Variants in SHISA9 observed in about 807,000 individuals in gnomAD.
SHISA9 encodes the protein protein shisa-9.
Under a neutral mutation model 38.0 loss-of-function variants are expected in SHISA9, and 13 were observed. The observed-to-expected ratio is 0.34, with a 90% CI of 0.22 to 0.54. The LOEUF is 0.54. Ranked by LOEUF, SHISA9 falls within the 20% of genes least tolerant of loss-of-function variation. The pLI, the probability that SHISA9 is intolerant of heterozygous loss-of-function variation, is 0.91. For missense variants in SHISA9, 538 were observed against 575.8 expected, an observed-to-expected ratio of 0.93 and a Z score of 0.67; for synonymous variants, 275 against 242.0, an observed-to-expected ratio of 1.14 and a Z score of -1.27.
At chr16:13,467,157 G>A in the SHISA9 span, among the ~76,000 whole-genome samples, 1 of 152,264 alleles carries the variant, frequency 6.6e-6, no homozygotes, top group Admixed American at 6.5e-5. Context: ...GTTTCTGGGT[G>A]TGTCTGTGAG....
At chr16:13,240,727 G>T (rs140744642), downstream of SHISA9, among the ~76,000 whole-genome samples, 51 of 152,222 alleles carry the variant, frequency 3.4e-4, no homozygotes, top group East Asian at 5.4e-3. Context: ...ATCTTGCTGC[G>T]ATTTGAACTT....
chr16:13,016,367 C>T (rs2072757696), intron 2 of SHISA9, among the ~76,000 whole-genome samples: 1 of 152,110 alleles, frequency 6.6e-6, no homozygotes, highest in Non-Finnish European at 1.5e-5. Flanking sequence ...TCTTTTTGCA[C>T]ACTGTGGATT....
chr16:13,072,660 A>G (rs933780574), intron 2 of SHISA9, among the ~76,000 whole-genome samples: 8 of 152,000 alleles, frequency 5.3e-5, no homozygotes, highest in Non-Finnish European at 1.0e-4. Context: ...TTAAAAAAGT[A>G]AAATCTTTTT....
the SHISA9 span, among the ~76,000 whole-genome samples, chr16:13,296,443 C>G: frequency 6.6e-6 from 1 of 151,786 alleles, no homozygotes; most frequent in African/African-American, 2.4e-5. Context: ...AAAAACAGAT[C>G]CCTTCCTCAC....
the SHISA9 span, among the ~76,000 whole-genome samples, chr16:13,390,651 C>T: frequency 3.9e-5 from 6 of 152,140 alleles, no homozygotes; most frequent in African/African-American, 1.4e-4. Context: ...TGTCAACATG[C>T]TTAGAAGGGT....
chr16:13,232,397 C>T lies in SHISA9; in HGVS notation c.896-2633C>T, dbSNP rs375890725. ...CATGGCACATGTATACCTATGTAAC[C>T]TGCACGTTCTGCACATGTATCCCAG... On this transcript the variant is annotated intron_variant, in intron 4 of 4. Transcript: ENST00000558583. Among the ~76,000 whole-genome samples the T allele has an allele frequency of 3.4e-3, 520 of 152,108 alleles. 4 individuals carry two copies. Among genetic ancestry groups the T allele is most frequent in the African/African-American group, 0.012 (496 of 41,492 alleles).
intron 2 of SHISA9, among the ~76,000 whole-genome samples, chr16:12,985,134 T>C (rs2072290090): frequency 1.3e-5 from 2 of 152,068 alleles, no homozygotes; most frequent in South Asian, 4.1e-4. Context: ...CTGGGCCCCG[T>C]TTCCATCAAA....
the SHISA9 span, among the ~76,000 whole-genome samples, chr16:13,283,359 T>C: frequency 1.3e-5 from 2 of 152,136 alleles, no homozygotes; most frequent in Non-Finnish European, 2.9e-5. Flanking sequence ...TACTCTAGTG[T>C]ATTAATCTGT....
the SHISA9 span, among the ~76,000 whole-genome samples, chr16:13,430,402 T>C: frequency 6.6e-6 from 1 of 152,176 alleles, no homozygotes; most frequent in Non-Finnish European, 1.5e-5. Flanking sequence ...AATCTGATGA[T>C]TTGCAAACTC....
intron 2 of SHISA9, among the ~76,000 whole-genome samples, chr16:13,014,242 C>G (rs1279773926): frequency 6.6e-6 from 1 of 152,144 alleles, no homozygotes; most frequent in Non-Finnish European, 1.5e-5. Flanking sequence ...GTGCCTGAAT[C>G]CAGAGCCATC....
At chr16:13,513,128 C>T in the SHISA9 span, among the ~76,000 whole-genome samples, 2,330 of 152,264 alleles carry the variant, frequency 0.015, 55 homozygotes, top group African/African-American at 0.053. Context: ...GATCTAATAT[C>T]CAGAATCTAC....
At chr16:13,033,044 G>C (rs184567803) in intron 2 of SHISA9, among the ~76,000 whole-genome samples, 1 of 152,310 alleles carries the variant, frequency 6.6e-6, no homozygotes, top group Admixed American at 6.5e-5. Flanking sequence ...ATGGTGACCA[G>C]ATGGTGGCCA....
chr16:13,168,445 T>C (rs1196797684), intron 2 of SHISA9, among the ~76,000 whole-genome samples: 1 of 152,226 alleles, frequency 6.6e-6, no homozygotes, highest in African/African-American at 2.4e-5. Context: ...TTACATCATT[T>C]CTACCCTTAC....
the SHISA9 span, among the ~76,000 whole-genome samples, chr16:13,433,121 A>AT: frequency 1.6e-5 from 1 of 63,348 alleles, no homozygotes; most frequent in East Asian, 6.2e-4. Flanking sequence ...AAAAAAGACA[A>AT]TAAATTGTGT....
the SHISA9 span, among the ~76,000 whole-genome samples, chr16:13,372,968 T>A: frequency 6.6e-6 from 1 of 152,230 alleles, no homozygotes; most frequent in South Asian, 2.1e-4. Context: ...TGGATACATA[T>A]CTGTGCTTTA....
intron 4 of SHISA9, among the ~76,000 whole-genome samples, chr16:13,232,180 G>A (rs563558592): frequency 2.5e-3 from 377 of 152,310 alleles, no homozygotes; most frequent in Admixed American, 4.4e-3. Context: ...AGATCCCAAC[G>A]TGTGGATAAA....
At chr16:13,324,424 A>T in the SHISA9 span, among the ~76,000 whole-genome samples, 15 of 152,056 alleles carry the variant, frequency 9.9e-5, no homozygotes, top group African/African-American at 3.6e-4. Context: ...CCACTTTCTG[A>T]TTGGCAACCA....
At chr16:13,138,287 A>T (rs1021928989) in intron 2 of SHISA9, among the ~76,000 whole-genome samples, 1 of 152,206 alleles carries the variant, frequency 6.6e-6, no homozygotes, top group African/African-American at 2.4e-5. Flanking sequence ...TGGGTAACTC[A>T]TAGATTGGAA....
At chr16:13,207,370 G>A (rs1325654137) in intron 3 of SHISA9, among the ~76,000 whole-genome samples, 1 of 152,130 alleles carries the variant, frequency 6.6e-6, no homozygotes, top group South Asian at 2.1e-4. Context: ...AATTTTCAGT[G>A]TGAAAATCAT....
Sources: gnomAD v4.1 joint callset for allele counts (sites outside exome capture counted in the v4.1 genomes callset) on GRCh38, gnomAD v4.1.1 for gene constraint, MANE v1.5 for transcripts, NCBI Gene and HGNC (gene_info 2026-07-23, HGNC 2026-07-21) for gene names.